Variants in SLC35D4 observed in about 807,000 individuals in gnomAD.
SLC35D4 encodes UDP-N-acetylglucosamine transporter SLC35D4.
chr18:23,332,972 A>G, the SLC35D4 span, among the ~76,000 whole-genome samples: 4 of 152,148 alleles, frequency 2.6e-5, no homozygotes, highest in African/African-American at 9.7e-5. Flanking sequence ...ACTACTCTCT[A>G]TAGTCTCATC....
the SLC35D4 span, among the ~76,000 whole-genome samples, chr18:23,435,718 G>A: frequency 1.3e-5 from 2 of 152,200 alleles, no homozygotes; most frequent in East Asian, 1.9e-4. Context: ...TTGTTCAGAC[G>A]AAGTCTGGCT....
the SLC35D4 span, among the ~76,000 whole-genome samples, chr18:23,311,367 A>G: frequency 6.6e-6 from 1 of 150,940 alleles, no homozygotes. Flanking sequence ...TGCTGGAATT[A>G]TAGGCGTGAG....
chr18:23,293,267 G>A, the SLC35D4 span, among the ~76,000 whole-genome samples: 2 of 151,934 alleles, frequency 1.3e-5, no homozygotes, highest in South Asian at 4.2e-4. Context: ...ATGAATGAAT[G>A]AATATAAATC....
the SLC35D4 span, among the ~76,000 whole-genome samples, chr18:23,301,284 G>A: frequency 4.7e-3 from 714 of 152,190 alleles, 7 homozygotes; most frequent in African/African-American, 0.016. Flanking sequence ...CCCTTCTTAC[G>A]TAGAATTTTA....
At chr18:23,389,501 T>G in the SLC35D4 span, among the ~76,000 whole-genome samples, 1 of 152,200 alleles carries the variant, frequency 6.6e-6, no homozygotes, top group African/African-American at 2.4e-5. Flanking sequence ...CCAGTTGCAC[T>G]CTATCAGCCT....
chr18:23,242,309 A>G, the SLC35D4 span, among the ~76,000 whole-genome samples: 1 of 152,126 alleles, frequency 6.6e-6, no homozygotes, highest in Non-Finnish European at 1.5e-5. Context: ...AGGTGTGCAA[A>G]ACAAATTGCA....
the SLC35D4 span, among the ~76,000 whole-genome samples, chr18:23,271,753 G>A: frequency 6.6e-5 from 10 of 152,176 alleles, no homozygotes; most frequent in Admixed American, 2.6e-4. Flanking sequence ...GAGAGTGGGT[G>A]AAGACTGAGT....
the SLC35D4 span, among the ~76,000 whole-genome samples, chr18:23,375,762 C>T: frequency 6.6e-6 from 1 of 152,184 alleles, no homozygotes; most frequent in African/African-American, 2.4e-5. Context: ...AAATTTTCAC[C>T]GTAAAGCAAT....
At chr18:23,427,790 C>T in the SLC35D4 span, among the ~76,000 whole-genome samples, 70 of 152,142 alleles carry the variant, frequency 4.6e-4, no homozygotes, top group Non-Finnish European at 4.4e-5. Context: ...CAATGATAGA[C>T]TGGATTAAGA....
chr18:23,356,720 C>G, the SLC35D4 span: 2 of 1,533,680 alleles, frequency 1.3e-6, no homozygotes, highest in Non-Finnish European at 1.8e-6. The surrounding 1 kb of genome is among the most constrained non-coding windows in gnomAD (Gnocchi z 4.1). Context: ...TGACCCTCTG[C>G]CCCATTGCCC....
At chr18:23,327,049 G>A in the SLC35D4 span, among the ~76,000 whole-genome samples, 1 of 152,154 alleles carries the variant, frequency 6.6e-6, no homozygotes, top group Non-Finnish European at 1.5e-5. Context: ...ATTTAAAGCA[G>A]TATGTAGAGG....
At chr18:23,325,904 A>C in the SLC35D4 span, among the ~76,000 whole-genome samples, 1 of 152,246 alleles carries the variant, frequency 6.6e-6, no homozygotes, top group Non-Finnish European at 1.5e-5. Context: ...AATGCCCATC[A>C]GTGGCTACTT....
At chr18:23,435,319 T>A in the SLC35D4 span, among the ~76,000 whole-genome samples, 1 of 152,086 alleles carries the variant, frequency 6.6e-6, no homozygotes, top group Non-Finnish European at 1.5e-5. Context: ...TCATGACAGA[T>A]GTGTTAATCT....
chr18:23,353,075 C>CTGTGTGTGTGTGTGTG, the SLC35D4 span, among the ~76,000 whole-genome samples: 7 of 65,060 alleles, frequency 1.1e-4, no homozygotes, highest in African/African-American at 3.9e-4. Flanking sequence ...GTGAGACAGA[C>CTGTGTGTGTGTGTGTG]AGTGTGTGTG....
the SLC35D4 span, among the ~76,000 whole-genome samples, chr18:23,353,076 AGTGTGTGTGT>A: frequency 8.5e-4 from 108 of 126,602 alleles, no homozygotes; most frequent in African/African-American, 2.5e-3. Flanking sequence ...TGAGACAGAC[AGTGTGTGTGT>A]GTGTGTGTGT....
the SLC35D4 span, chr18:23,430,559 A>T: frequency 7.6e-7 from 1 of 1,313,894 alleles, no homozygotes; most frequent in Middle Eastern, 1.9e-4. Flanking sequence ...GCAGTTATTA[A>T]AACTATTTCA....
At chr18:23,422,825 A>G in the SLC35D4 span, among the ~76,000 whole-genome samples, 3 of 146,720 alleles carry the variant, frequency 2.0e-5, no homozygotes, top group South Asian at 2.3e-4. Context: ...CCCCCCCCCA[A>G]TGCAGAAAGC....
At chr18:23,346,497 C>A in the SLC35D4 span, among the ~76,000 whole-genome samples, 2 of 150,240 alleles carry the variant, frequency 1.3e-5, no homozygotes, top group African/African-American at 4.9e-5. Flanking sequence ...AATTTTATTT[C>A]TTCCTTTCCA....
the SLC35D4 span, among the ~76,000 whole-genome samples, chr18:23,436,833 G>C: frequency 6.6e-6 from 1 of 152,128 alleles, no homozygotes; most frequent in African/African-American, 2.4e-5. Context: ...AGGAAAGGGG[G>C]TTGGGGAGCA....
Sources: allele counts gnomAD v4.1 joint callset (sites outside exome capture counted in the v4.1 genomes callset), GRCh38; gene constraint gnomAD v4.1.1; non-coding constraint Gnocchi (gnomAD v3.1); transcripts MANE v1.5; gene names NCBI Gene and HGNC (gene_info 2026-07-23, HGNC 2026-07-21).